IQCM: variants seen among roughly 807,000 people sequenced by gnomAD.
IQCM encodes the protein IQ domain-containing protein M.
Under a neutral mutation model 57.6 loss-of-function variants are expected in IQCM, and 45 were observed. That is an observed-to-expected ratio of 0.78 (90% CI 0.62 to 1.00). IQCM has a LOEUF of 1.00. Ranked by LOEUF, IQCM falls within the 50% of genes least tolerant of loss-of-function variation. The pLI, the probability that IQCM is intolerant of heterozygous loss-of-function variation, is 0.00. For missense variants in IQCM, 468 were observed against 511.6 expected, an observed-to-expected ratio of 0.91 and a Z score of 0.82; for synonymous variants, 148 against 158.9, an observed-to-expected ratio of 0.93 and a Z score of 0.51.
intron 13 of IQCM, among the ~76,000 whole-genome samples, chr4:149,365,730 A>T (rs575507880): frequency 2.0e-5 from 1 of 50,776 alleles, no homozygotes; most frequent in East Asian, 7.6e-4. Flanking sequence ...ATCTAAGCTT[A>T]AAAAAAATCA....
intron 12 of IQCM, among the ~76,000 whole-genome samples, chr4:149,454,922 A>C (rs1474778420): frequency 6.6e-6 from 1 of 151,900 alleles, no homozygotes; most frequent in Non-Finnish European, 1.5e-5. Flanking sequence ...GCAATGAAGA[A>C]AATGTTCTAA....
At chr4:149,510,919 CTCTT>C (rs1331956019) in intron 12 of IQCM, among the ~76,000 whole-genome samples, 1 of 152,186 alleles carries the variant, frequency 6.6e-6, no homozygotes, top group East Asian at 1.9e-4. Context: ...TATTACTTGT[CTCTT>C]TCTATACTCT....
intron 2 of IQCM, 91 bp from the exon 3 acceptor site, chr4:149,742,830 G>T: frequency 1.9e-6 from 1 of 517,846 alleles, no homozygotes; most frequent in Non-Finnish European, 3.0e-6. Context: ...TAGGGTGAAT[G>T]ATTAAAACTT....
At chr4:149,797,866 A>G (rs1773255636) in intron 2 of IQCM, among the ~76,000 whole-genome samples, 1 of 151,982 alleles carries the variant, frequency 6.6e-6, no homozygotes, top group South Asian at 2.1e-4. Flanking sequence ...AGGAGAAATA[A>G]AGACTTTCCC....
At chr4:149,791,154 T>G (rs369203221) in intron 2 of IQCM, among the ~76,000 whole-genome samples, 4 of 152,188 alleles carry the variant, frequency 2.6e-5, no homozygotes. Context: ...AATAGTGACA[T>G]GTATGCTTCA....
chr4:149,418,242 T>C (rs6815404), intron 13 of IQCM, among the ~76,000 whole-genome samples: 14 of 146,286 alleles, frequency 9.6e-5, no homozygotes, highest in African/African-American at 3.3e-4. Flanking sequence ...ATAGACACAA[T>C]AAAAAAAGAT....
chr4:149,546,176 C>T (rs1748397150), intron 12 of IQCM, among the ~76,000 whole-genome samples: 1 of 152,172 alleles, frequency 6.6e-6, no homozygotes, highest in Admixed American at 6.5e-5. Flanking sequence ...CATAGTATTC[C>T]ATGGTGTATA....
At chr4:149,731,822 T>G (rs886901289) in intron 5 of IQCM, among the ~76,000 whole-genome samples, 2 of 152,162 alleles carry the variant, frequency 1.3e-5, no homozygotes, top group South Asian at 4.1e-4. Flanking sequence ...TTCAATATAT[T>G]GATAATCAAT....
At chr4:149,432,947 C>T (rs564153778) in intron 13 of IQCM, among the ~76,000 whole-genome samples, 11 of 152,054 alleles carry the variant, frequency 7.2e-5, no homozygotes, top group Non-Finnish European at 1.5e-4. Context: ...ATTAGATTGG[C>T]TAAAATTAGA....
At chr4:149,762,976 T>C (rs545145633) in intron 2 of IQCM, among the ~76,000 whole-genome samples, 149 of 152,178 alleles carry the variant, frequency 9.8e-4, no homozygotes, top group African/African-American at 3.4e-3. Context: ...TATTGAGAAT[T>C]GTATGTATTA....
At chr4:149,438,876 C>T (rs1735633204) in intron 12 of IQCM, among the ~76,000 whole-genome samples, 1 of 151,856 alleles carries the variant, frequency 6.6e-6, no homozygotes, top group Admixed American at 6.6e-5. Context: ...AAAATAAATG[C>T]TAGGACCACC....
chr4:149,772,296 T>A (rs917922283), intron 2 of IQCM, among the ~76,000 whole-genome samples: 10 of 152,164 alleles, frequency 6.6e-5, no homozygotes, highest in African/African-American at 2.4e-4. Flanking sequence ...GTTTTTCAAA[T>A]GTTCAATTAA....
intron 2 of IQCM, among the ~76,000 whole-genome samples, chr4:149,802,574 T>C (rs1773701108): frequency 6.6e-6 from 1 of 151,984 alleles, no homozygotes; most frequent in Non-Finnish European, 1.5e-5. Context: ...CAAAAGCTAA[T>C]GGAGCATTCT....
intron 13 of IQCM, among the ~76,000 whole-genome samples, chr4:149,371,100 G>A (rs1017360229): frequency 2.0e-5 from 3 of 152,170 alleles, no homozygotes; most frequent in Middle Eastern, 3.2e-3. Context: ...TTGTTAAGAT[G>A]AGTATATAAT....
At chr4:149,735,255 C>A (rs1303521569) in intron 4 of IQCM, 121 bp downstream of exon 4, 3 of 449,218 alleles carry the variant, frequency 6.7e-6, no homozygotes, top group Non-Finnish European at 1.1e-5. Flanking sequence ...TTTTTCTCTT[C>A]AATTCTATTC....
intron 13 of IQCM, among the ~76,000 whole-genome samples, chr4:149,362,015 A>G (rs1394395131): frequency 1.3e-5 from 2 of 152,152 alleles, no homozygotes; most frequent in Non-Finnish European, 2.9e-5. Context: ...CACCTCTTGC[A>G]TCACCATGAC....
At chr4:149,490,237 T>A (rs1192979505) in intron 12 of IQCM, among the ~76,000 whole-genome samples, 1 of 151,982 alleles carries the variant, frequency 6.6e-6, no homozygotes, top group Non-Finnish European at 1.5e-5. Flanking sequence ...TCTGCATGCA[T>A]AATAGATTTA....
At chr4:149,479,767 G>T (rs1330390597) in intron 12 of IQCM, among the ~76,000 whole-genome samples, 1 of 152,128 alleles carries the variant, frequency 6.6e-6, no homozygotes, top group Non-Finnish European at 1.5e-5. Context: ...GACAAGGAGG[G>T]GTCTCCAACC....
intron 7 of IQCM, among the ~76,000 whole-genome samples, chr4:149,659,313 G>A (rs914783988): frequency 5.3e-5 from 8 of 151,900 alleles, no homozygotes; most frequent in South Asian, 2.1e-4. Context: ...ACAAACCACC[G>A]CTCAATGAAA....
Sources: allele counts gnomAD v4.1 joint callset (sites outside exome capture counted in the v4.1 genomes callset), GRCh38; gene constraint gnomAD v4.1.1; transcripts MANE v1.5; gene names NCBI Gene and HGNC (gene_info 2026-07-23, HGNC 2026-07-21).